Variants in NSUN2 observed in about 807,000 individuals in gnomAD.
NSUN2 encodes RNA cytosine C(5)-methyltransferase NSUN2.
A neutral mutation model predicts 92.7 loss-of-function variants in NSUN2; 63 were observed. The ratio of observed to expected loss-of-function variants is 0.68; its 90% CI spans 0.56 to 0.84. The LOEUF (loss-of-function observed/expected upper bound fraction) is 0.84. Ranked by LOEUF, NSUN2 falls within the 40% of genes least tolerant of loss-of-function variation. The pLI is 0.00. For missense variants in NSUN2, 989 were observed against 964.9 expected (o/e 1.02, Z -0.33); for synonymous variants, 356 against 348.3 (o/e 1.02, Z -0.25).
chr5:6,619,996 C>T (rs1737370411), intron 7 of NSUN2, 110 bp downstream of exon 7: 2 of 937,240 alleles, frequency 2.1e-6, no homozygotes, highest in Admixed American at 6.0e-5. Context: ...TTTCTCCGCA[C>T]CCCAAGACTT....
chr5:6,614,495 G>A (rs1737133325), intron 9 of NSUN2, among the ~76,000 whole-genome samples: 1 of 152,132 alleles, frequency 6.6e-6, no homozygotes, highest in South Asian at 2.1e-4. Flanking sequence ...GTGAGGTTCT[G>A]TCCACTCTTC....
At chr5:6,628,609 T>C (rs1178633164) in intron 3 of NSUN2, among the ~76,000 whole-genome samples, 1 of 152,258 alleles carries the variant, frequency 6.6e-6, no homozygotes, top group Non-Finnish European at 1.5e-5. Context: ...TTACATGATC[T>C]ATTCCTGCAT....
intron 3 of NSUN2, among the ~76,000 whole-genome samples, chr5:6,626,218 GAGCTCCTA>G (rs1737648429): frequency 6.6e-6 from 1 of 152,028 alleles, no homozygotes; most frequent in South Asian, 2.1e-4. Flanking sequence ...GCATTAACTT[GAGCTCCTA>G]GGCTGTTACC....
At chr5:6,602,186 T>C (rs919550644) in intron 18 of NSUN2, among the ~76,000 whole-genome samples, 5 of 152,018 alleles carry the variant, frequency 3.3e-5, no homozygotes, top group South Asian at 2.1e-4. Context: ...GAAATTTTCA[T>C]TGGTTTCTAA....
intron 4 of NSUN2, among the ~76,000 whole-genome samples, chr5:6,624,413 T>C (rs1406048647): frequency 3.9e-5 from 6 of 152,064 alleles, no homozygotes; most frequent in Non-Finnish European, 1.5e-5. Flanking sequence ...CCTATACTAG[T>C]TCCCTACAAC....
intron 3 of NSUN2, among the ~76,000 whole-genome samples, chr5:6,631,552 C>A (rs1434063306): frequency 1.3e-5 from 2 of 152,194 alleles, no homozygotes; most frequent in East Asian, 3.8e-4. Flanking sequence ...GAAGGCAAAG[C>A]AGCCACTCTG....
intron 1 of NSUN2, 61 bp from the exon 2 acceptor site, chr5:6,632,817 C>G: frequency 6.4e-7 from 1 of 1,572,092 alleles, no homozygotes; most frequent in South Asian, 1.1e-5. Context: ...GCCGCCGCCT[C>G]GCAGGCCTCG....
chr5:6,605,076 T>TA (rs1373601666), intron 15 of NSUN2, 197 bp downstream of exon 15: 2 of 725,568 alleles, frequency 2.8e-6, no homozygotes, highest in African/African-American at 1.8e-5. Flanking sequence ...GCCACCAGAT[T>TA]CAGGACTCTG....
At chr5:6,623,725 T>C (rs1737549134) in intron 4 of NSUN2, among the ~76,000 whole-genome samples, 1 of 152,348 alleles carries the variant, frequency 6.6e-6, no homozygotes, top group Middle Eastern at 3.4e-3. Flanking sequence ...CTCCACTATT[T>C]TCAGACATAG....
chr5:6,618,084 A>G (rs1228646670), intron 7 of NSUN2, 60 bp from the exon 8 acceptor site: 3 of 1,083,842 alleles, frequency 2.8e-6, no homozygotes, highest in Non-Finnish European at 1.4e-6. Flanking sequence ...GCACTTTAAC[A>G]GATATGTCAC....
chr5:6,603,976 A>C, intron 17 of NSUN2, 162 bp downstream of exon 17: 1 of 654,270 alleles, frequency 1.5e-6, no homozygotes, highest in Non-Finnish European at 2.6e-6. Context: ...TAGCATTCTG[A>C]ACTGTCAATC....
At chr5:6,611,602 T>C in intron 10 of NSUN2, 123 bp downstream of exon 10, 1 of 721,418 alleles carries the variant, frequency 1.4e-6, no homozygotes. Flanking sequence ...AAATTGATTC[T>C]AATTGGCATA....
intron 2 of NSUN2, 65 bp downstream of exon 2, chr5:6,632,534 A>G (rs1169837453): frequency 6.4e-7 from 1 of 1,564,430 alleles, no homozygotes; most frequent in Non-Finnish European, 8.7e-7. Context: ...CGAAGAAAAC[A>G]CCGTCGCCTT....
intron 9 of NSUN2, among the ~76,000 whole-genome samples, chr5:6,613,926 G>A (rs1021620816): frequency 2.6e-5 from 4 of 151,682 alleles, no homozygotes; most frequent in Admixed American, 1.3e-4. Flanking sequence ...GTGAAACCCC[G>A]TCTCTACTAA....
intron 14 of NSUN2, among the ~76,000 whole-genome samples, chr5:6,606,149 T>C (rs899697402): frequency 6.6e-6 from 1 of 152,240 alleles, no homozygotes; most frequent in Admixed American, 6.5e-5. Flanking sequence ...TCATCCCTAA[T>C]TAGCCCTCAC....
At chr5:6,615,181 AG>A (rs1391567826) in intron 9 of NSUN2, among the ~76,000 whole-genome samples, 1 of 152,074 alleles carries the variant, frequency 6.6e-6, no homozygotes, top group Non-Finnish European at 1.5e-5. Context: ...GAGTGCGCCC[AG>A]GAACTGGGGC....
At chr5:6,617,456 G>A (rs1363618860) in intron 8 of NSUN2, among the ~76,000 whole-genome samples, 2 of 152,156 alleles carry the variant, frequency 1.3e-5, no homozygotes, top group African/African-American at 4.8e-5. Flanking sequence ...CCTGTAAACA[G>A]AAAAACAATA....
intron 18 of NSUN2, among the ~76,000 whole-genome samples, 153 bp downstream of exon 18, chr5:6,602,308 G>A (rs1348293246): frequency 6.6e-6 from 1 of 152,166 alleles, no homozygotes; most frequent in African/African-American, 2.4e-5. Context: ...GGAATATTTT[G>A]GTTCTGAAGT....
chr5:6,604,422 C>T lies in NSUN2; in HGVS notation c.1819-146G>A. 4 of 770,178 alleles carry T rather than the reference C, an allele frequency of 5.2e-6. No individual in the cohort carries two copies. The African/African-American group carries it at 1.4e-4, about 26-fold the overall frequency. The allele number at this position is 770,178 out of a possible 1,614,324, so 47.7% of individuals were successfully genotyped here. A position where few individuals can be genotyped will look rare whatever the true frequency, so the allele number is the denominator to read the frequency against. On this transcript the variant is annotated intron_variant, in intron 16 of 18. Transcript: ENST00000264670. ...CCCCTTGGACAGGTGTGGAACCCAC[C>T]CCCCCCTAGGAGGGGAAACCAGCAC...
Sources: gnomAD v4.1 joint callset for allele counts (sites outside exome capture counted in the v4.1 genomes callset) on GRCh38, gnomAD v4.1.1 for gene constraint, MANE v1.5 for transcripts, NCBI Gene and HGNC (gene_info 2026-07-23, HGNC 2026-07-21) for gene names.